The following EPS8 variants were observed in gnomAD, a reference collection of about 807,000 sequenced individuals.
EPS8 encodes epidermal growth factor receptor kinase substrate 8.
Under a neutral mutation model 103.8 loss-of-function variants are expected in EPS8, and 42 were observed. That is an observed-to-expected ratio of 0.40 (90% confidence interval 0.32 to 0.52). The LOEUF is 0.52. Among genes scored for constraint, EPS8 ranks in the 20% least tolerant of loss-of-function variants. EPS8 has a pLI of 0.40. For missense variants in EPS8, 969 were observed against 1,005.1 expected, an observed-to-expected ratio of 0.96 and a Z score of 0.49; for synonymous variants, 344 against 344.6, an observed-to-expected ratio of 1.00 and a Z score of 0.02.
Position 15,714,401 on chromosome 12 carries a change from T to G in EPS8, c.-21-31429A>C, listed in dbSNP as rs2970193. The stretch of plus-strand genomic sequence containing the variant: ...CACACCTGTAATCCCAGCTCTTTGA[T>G]AGGCCACGGGTGGGAGGATCCCTTG... On this transcript the variant is annotated intron_variant, in intron 1 of 20. Coordinates refer to ENST00000281172, the MANE Select transcript of EPS8 (RefSeq NM_004447.6). This position sits in a 1 kb window ranked among gnomAD's most constrained non-coding sequence, Gnocchi z 4.1. Among the ~76,000 whole-genome samples, 141,683 of 152,222 alleles carry G rather than the reference T, an allele frequency of 0.93. 66,756 individuals are homozygous for G. The highest frequency in any genetic ancestry group is 1 in the East Asian group (5,168 of 5,168).
intron 17 of EPS8, among the ~76,000 whole-genome samples, chr12:15,635,618 C>T (rs1945120327): frequency 6.6e-6 from 1 of 152,052 alleles, no homozygotes; most frequent in African/African-American, 2.4e-5. Context: ...GTCACCTGTA[C>T]AAAACATTTC....
In EPS8 at chr12:15,690,009, C is replaced by T. The variant is rs1188909819; in HGVS notation, c.-21-7037G>A. Among the ~76,000 whole-genome samples the T allele has an allele frequency of 6.6e-6, 1 of 152,008 alleles. No homozygotes were observed. On this transcript the variant is annotated intron_variant, in intron 1 of 20. Transcript: ENST00000281172. The surrounding 1 kb of genome is among the most constrained non-coding windows in gnomAD (Gnocchi z 4.7). ...AGTAAATCATAAAACATTACAGGTA[C>T]AGCAAGAAGAGCTGTAACCCAAGGA...
At chr12:15,709,497 A>G (rs1946432941) in intron 1 of EPS8, among the ~76,000 whole-genome samples, 1 of 152,234 alleles carries the variant, frequency 6.6e-6, no homozygotes, top group South Asian at 2.1e-4. Context: ...ATTAAGATAC[A>G]CGACTCAAAA....
In EPS8 at chr12:15,776,063, T is replaced by C. The variant is rs1200473025; in HGVS notation, c.-22+13098A>G. 6.6e-6 allele frequency among the ~76,000 whole-genome samples: 1 copy of C among 152,172 alleles called. No individual in the cohort carries two copies. The highest frequency in any genetic ancestry group is 1.5e-5 in the Non-Finnish European group (1 of 68,016). On this transcript the variant is annotated intron_variant, in intron 1 of 20. Coordinates refer to ENST00000281172, the MANE Select transcript of EPS8 (RefSeq NM_004447.6). This position sits in a 1 kb window ranked among gnomAD's most constrained non-coding sequence, Gnocchi z 4.2. Reference sequence around the variant, plus strand: ...CTCACCTTCACATACAAAGGGCAGTTCCATATGTATTTTATTATATATTCA... The same window carrying C: ...CTCACCTTCACATACAAAGGGCAGTCCCATATGTATTTTATTATATATTCA...
chr12:15,768,052 TGGAAGAAATCTG>T (rs1417906896), intron 1 of EPS8, among the ~76,000 whole-genome samples: 7 of 152,330 alleles, frequency 4.6e-5, no homozygotes, highest in African/African-American at 1.7e-4. Flanking sequence ...ATATTAGAGT[TGGAAGAAATCTG>T]GGAGATATCC....
Position 15,676,931 on chromosome 12 carries a change from C to A in EPS8, c.136+4295G>T, listed in dbSNP as rs752535070. 1.8e-4 allele frequency among the ~76,000 whole-genome samples: 28 copies of A among 152,146 alleles called. 1 individual carries two copies. In the Middle Eastern group the frequency reaches 0.01, roughly 55 times the overall value. On this transcript the variant is annotated intron_variant, in intron 3 of 20. Transcript: ENST00000281172. ...ATAAATTAATATGTCCTCAAATAAG[C>A]AAATTTATTGTCATATACAAGCATA...
At chr12:15,770,338 G>T (rs1366514130) in intron 1 of EPS8, among the ~76,000 whole-genome samples, 1 of 150,982 alleles carries the variant, frequency 6.6e-6, no homozygotes, top group East Asian at 1.9e-4. Context: ...GAAAGGAAGG[G>T]AAAAAATAAC....
chr12:15,661,612 C>G (rs1945606489), intron 9 of EPS8, among the ~76,000 whole-genome samples: 1 of 152,096 alleles, frequency 6.6e-6, no homozygotes. Context: ...ACAAATCTAT[C>G]CTTTAAAAAT....
chr12:15,629,723 C>T (rs140709725), intron 18 of EPS8, among the ~76,000 whole-genome samples: 13 of 152,070 alleles, frequency 8.5e-5, no homozygotes, highest in East Asian at 3.9e-4. Context: ...TTGGACATAC[C>T]GTGGGAGAAA....
At chr12:15,729,797 C>T (rs1437123902) in intron 1 of EPS8, among the ~76,000 whole-genome samples, 1 of 152,114 alleles carries the variant, frequency 6.6e-6, no homozygotes, top group African/African-American at 2.4e-5. Context: ...TGTATGATTT[C>T]AATCTGTCTA....
At position 15,772,716 on chromosome 12, in the gene EPS8, T is replaced by C. The variant is rs1371066188; in HGVS notation, c.-22+16445A>G. Among the ~76,000 whole-genome samples, 1 of 151,334 alleles carries C rather than the reference T, an allele frequency of 6.6e-6. No individual in the cohort carries two copies. Among genetic ancestry groups the C allele is most frequent in the African/African-American group, 2.4e-5 (1 of 41,110 alleles). ...GTGTAGATGGGTAACAAAGCAGAGG[T>C]AGATGTTAACCAGGAAAGAACAGCA... is the stretch of plus-strand genomic sequence containing the variant. On this transcript the variant is annotated intron_variant, in intron 1 of 20. Coordinates refer to ENST00000281172, the MANE Select transcript of EPS8 (RefSeq NM_004447.6). The surrounding 1 kb of genome is among the most constrained non-coding windows in gnomAD (Gnocchi z 5.0).
chr12:15,627,071 C>T (rs572676195), intron 18 of EPS8, among the ~76,000 whole-genome samples: 14 of 152,172 alleles, frequency 9.2e-5, no homozygotes, highest in Admixed American at 9.2e-4. Flanking sequence ...ACAATCTTGG[C>T]TCACTGCAAC....
intron 10 of EPS8, among the ~76,000 whole-genome samples, chr12:15,659,713 A>G (rs4503594): frequency 0.9 from 136,548 of 152,222 alleles, 62,334 homozygotes; most frequent in Non-Finnish European, 0.98. Context: ...TTACTATTTT[A>G]TATCTTTCAA....
intron 10 of EPS8, 68 bp downstream of exon 10, chr12:15,660,546 G>C (rs1945588102): frequency 3.7e-6 from 3 of 819,548 alleles, no homozygotes; most frequent in Non-Finnish European, 6.5e-6. Context: ...TTACAGGTGT[G>C]AGCCACTGCG....
In EPS8 at chr12:15,714,556, TGCTTGAGCCCAGGA is replaced by T. The variant is rs1168379392; in HGVS notation, c.-21-31598_-21-31585del. ...GCTCATGAGGCTGAGACAGGAGAAC[TGCTTGAGCCCAGGA>T]GTTTGAGCCCAGGAGTGAGCTATGA... is the stretch of plus-strand genomic sequence containing the variant. On this transcript the variant is annotated intron_variant, in intron 1 of 20. Coordinates refer to ENST00000281172, the MANE Select transcript of EPS8 (RefSeq NM_004447.6). This position sits in a 1 kb window ranked among gnomAD's most constrained non-coding sequence, Gnocchi z 4.1. Among the ~76,000 whole-genome samples, 1 of 152,160 alleles carries T rather than the reference TGCTTGAGCCCAGGA, an allele frequency of 6.6e-6. No homozygotes were observed. The highest frequency in any genetic ancestry group is 6.5e-5 in the Admixed American group (1 of 15,274).
In EPS8 at chr12:15,760,160, G is replaced by A. The variant is rs1947026362; in HGVS notation, c.-22+29001C>T. On this transcript the variant is annotated intron_variant, in intron 1 of 20. Transcript: ENST00000281172. This position sits in a 1 kb window ranked among gnomAD's most constrained non-coding sequence, Gnocchi z 4.5. ...CACAGAAATTCAAAGGATCATTAGT[G>A]GCTACTAAGAGCAACTATATGCCAA... 6.6e-6 allele frequency among the ~76,000 whole-genome samples: 1 copy of A among 151,932 alleles called. No individual in the cohort carries two copies. The highest frequency in any genetic ancestry group is 1.5e-5 in the Non-Finnish European group (1 of 67,902).
At position 15,735,726 on chromosome 12, in the gene EPS8, G is replaced by T. The variant is rs755602590; in HGVS notation, c.-21-52754C>A. Among the ~76,000 whole-genome samples the T allele has an allele frequency of 6.6e-6, 1 of 152,088 alleles. No individual in the cohort carries two copies. The highest frequency in any genetic ancestry group is 2.4e-5 in the African/African-American group (1 of 41,398). On this transcript the variant is annotated intron_variant, in intron 1 of 20. Coordinates refer to ENST00000281172, the MANE Select transcript of EPS8 (RefSeq NM_004447.6). This position sits in a 1 kb window ranked among gnomAD's most constrained non-coding sequence, Gnocchi z 4.4. ...TTTAAATTGTAGACCTTTTAAAAGT[G>T]CATGTTATTAAATGTAACCTATATC...
At chr12:15,679,756 T>C (rs1191937111) in intron 3 of EPS8, among the ~76,000 whole-genome samples, 1 of 152,220 alleles carries the variant, frequency 6.6e-6, no homozygotes, top group Admixed American at 6.5e-5. Flanking sequence ...AAATGGCACA[T>C]AGGCAACAGC....
intron 15 of EPS8, among the ~76,000 whole-genome samples, chr12:15,644,474 C>T (rs1945285784): frequency 6.6e-6 from 1 of 152,040 alleles, no homozygotes; most frequent in African/African-American, 2.4e-5. Flanking sequence ...GCGGGCAGAT[C>T]ACGAGGTCAG....
Sources: gnomAD v4.1 joint callset for allele counts (sites outside exome capture counted in the v4.1 genomes callset) on GRCh38, gnomAD v4.1.1 for gene constraint, Gnocchi (gnomAD v3.1) non-coding constraint, MANE v1.5 for transcripts, NCBI Gene and HGNC (gene_info 2026-07-23, HGNC 2026-07-21) for gene names.